The following PKHD1 variants were observed in gnomAD, a reference collection of about 807,000 sequenced individuals.
PKHD1 encodes fibrocystin.
A neutral mutation model predicts 412.0 loss-of-function variants in PKHD1; 291 were observed. That is an observed-to-expected ratio of 0.71 (90% CI 0.64 to 0.78). The LOEUF (loss-of-function observed/expected upper bound fraction) is 0.78. Ranked by LOEUF, PKHD1 falls within the 30% of genes least tolerant of loss-of-function variation. The pLI, the probability that PKHD1 is intolerant of heterozygous loss-of-function variation, is 0.00. For missense variants in PKHD1, 4,825 were observed against 4,950.7 expected (o/e 0.97, Z 0.76); for synonymous variants, 1,777 against 1,821.5 (o/e 0.98, Z 0.62).
At chr6:51,685,799 T>G (rs1160392287) in intron 60 of PKHD1, among the ~76,000 whole-genome samples, 1 of 152,138 alleles carries the variant, frequency 6.6e-6, no homozygotes, top group Non-Finnish European at 1.5e-5. Flanking sequence ...CCAGGCCATG[T>G]AAGGACTTGG....
At chr6:51,831,298 A>T (rs894532089) in intron 51 of PKHD1, among the ~76,000 whole-genome samples, 1 of 152,164 alleles carries the variant, frequency 6.6e-6, no homozygotes, top group Non-Finnish European at 1.5e-5. Context: ...CCATAATCTC[A>T]CTACCTTGCA....
At chr6:51,807,920 C>A (rs183967522) in intron 52 of PKHD1, among the ~76,000 whole-genome samples, 1 of 151,610 alleles carries the variant, frequency 6.6e-6, no homozygotes, top group African/African-American at 2.4e-5. Flanking sequence ...GGGGAGATTG[C>A]GGACTAGGGA....
chr6:51,959,573 T>A (rs1038226601), intron 36 of PKHD1, among the ~76,000 whole-genome samples: 1 of 152,126 alleles, frequency 6.6e-6, no homozygotes, highest in Non-Finnish European at 1.5e-5. Context: ...CTGTCCTGGA[T>A]AAGCATGACT....
chr6:51,895,118 G>A (rs1779695382), intron 43 of PKHD1, among the ~76,000 whole-genome samples: 1 of 152,120 alleles, frequency 6.6e-6, no homozygotes, highest in African/African-American at 2.4e-5. Context: ...TCTAAAATAT[G>A]TTCTTCAAAG....
chr6:51,788,424 C>G (rs1793223267), intron 53 of PKHD1, among the ~76,000 whole-genome samples: 1 of 125,030 alleles, frequency 8.0e-6, no homozygotes, highest in Non-Finnish European at 1.8e-5. Context: ...TCAAGGAGTT[C>G]TCCTTTATTC....
intron 53 of PKHD1, among the ~76,000 whole-genome samples, chr6:51,777,276 C>T (rs1191445484): frequency 6.6e-6 from 1 of 152,082 alleles, no homozygotes; most frequent in African/African-American, 2.4e-5. Context: ...CCAAAAGGCA[C>T]AAGGTAAGTC....
At chr6:51,958,530 T>C (rs932148809) in intron 36 of PKHD1, among the ~76,000 whole-genome samples, 14 of 152,068 alleles carry the variant, frequency 9.2e-5, no homozygotes, top group African/African-American at 2.9e-4. Context: ...CTATTCATGA[T>C]TTACCTGGAA....
At chr6:51,644,121 A>C (rs1250966939) in intron 63 of PKHD1, among the ~76,000 whole-genome samples, 2 of 152,154 alleles carry the variant, frequency 1.3e-5, no homozygotes, top group Non-Finnish European at 2.9e-5. Flanking sequence ...AATTTTTAGA[A>C]GGGGATAATT....
chr6:51,987,247 T>C (rs977866754), intron 35 of PKHD1, among the ~76,000 whole-genome samples: 2 of 152,132 alleles, frequency 1.3e-5, no homozygotes, highest in Non-Finnish European at 2.9e-5. Context: ...AATAGCAAAC[T>C]GAAAACCAGA....
chr6:51,739,802 G>A (rs1784337711), intron 60 of PKHD1, among the ~76,000 whole-genome samples: 1 of 151,800 alleles, frequency 6.6e-6, no homozygotes, highest in South Asian at 2.1e-4. Context: ...TTTTGTCATG[G>A]CTGAGAAATT....
intron 27 of PKHD1, among the ~76,000 whole-genome samples, chr6:52,039,518 G>A (rs1437620373): frequency 2.6e-5 from 4 of 152,162 alleles, no homozygotes; most frequent in Admixed American, 2.6e-4. Flanking sequence ...GGAATCCCCA[G>A]TCAAGCCTCC....
intron 43 of PKHD1, among the ~76,000 whole-genome samples, chr6:51,888,115 T>C (rs1285138974): frequency 1.3e-5 from 2 of 152,268 alleles, no homozygotes; most frequent in African/African-American, 4.8e-5. Flanking sequence ...GCCACATGAT[T>C]GGACCAGTCA....
In PKHD1 at chr6:51,782,197, G is replaced by A. The variant is rs560840218; in HGVS notation, c.8441-6276C>T. Among the ~76,000 whole-genome samples, 10 of 152,048 alleles carry A rather than the reference G, an allele frequency of 6.6e-5. No homozygotes were observed. In the South Asian group the frequency reaches 2.1e-3, roughly 32 times the overall value. The stretch of plus-strand genomic sequence containing the variant: ...AAGATGATTACTGCAAATGCCTTTA[G>A]TAAAGACTAACTGATGTCCCAATAG... On this transcript the variant is annotated intron_variant, in intron 53 of 66. Coordinates refer to ENST00000371117, the MANE Select transcript of PKHD1 (RefSeq NM_138694.4).
intron 36 of PKHD1, among the ~76,000 whole-genome samples, chr6:51,957,219 G>GA: frequency 6.6e-6 from 1 of 152,106 alleles, no homozygotes; most frequent in Non-Finnish European, 1.5e-5. Context: ...AATAGTGGCC[G>GA]AAAATGTTGC....
intron 66 of PKHD1, among the ~76,000 whole-genome samples, chr6:51,620,784 A>G (rs1206933095): frequency 6.9e-6 from 1 of 145,070 alleles, no homozygotes; most frequent in South Asian, 2.1e-4. Flanking sequence ...AACATTATAT[A>G]TACATATATA....
chr6:52,016,925 G>T (rs1276487137), intron 34 of PKHD1, among the ~76,000 whole-genome samples: 1 of 152,084 alleles, frequency 6.6e-6, no homozygotes, highest in Non-Finnish European at 1.5e-5. Context: ...TACGCTTATG[G>T]CTTCTAAATC....
chr6:51,715,436 T>C (rs2150786420), intron 60 of PKHD1, among the ~76,000 whole-genome samples: 1 of 152,314 alleles, frequency 6.6e-6, no homozygotes, highest in African/African-American at 2.4e-5. Context: ...ACCGCAATTT[T>C]GATTTATCAC....
At chr6:52,077,627 G>A (rs1811507371) in intron 5 of PKHD1, among the ~76,000 whole-genome samples, 1 of 152,190 alleles carries the variant, frequency 6.6e-6, no homozygotes, top group Non-Finnish European at 1.5e-5. Context: ...TTTCAACAAA[G>A]CTGATGGTGG....
At chr6:51,704,755 A>G (rs1230653231) in intron 60 of PKHD1, among the ~76,000 whole-genome samples, 29 of 152,036 alleles carry the variant, frequency 1.9e-4, no homozygotes, top group Non-Finnish European at 7.4e-5. Context: ...AAATAGTTGG[A>G]TATTCAGATC....
Sources: allele counts gnomAD v4.1 joint callset (sites outside exome capture counted in the v4.1 genomes callset), GRCh38; gene constraint gnomAD v4.1.1; transcripts MANE v1.5; gene names NCBI Gene and HGNC (gene_info 2026-07-23, HGNC 2026-07-21).